TSPAN18: variants seen among roughly 807,000 people sequenced by gnomAD.
TSPAN18 encodes the protein tetraspanin 18.
In TSPAN18, 14 loss-of-function variants were observed where a neutral mutation model predicts 27.3. The observed-to-expected ratio is 0.51, with a 90% CI of 0.34 to 0.80. The LOEUF (loss-of-function observed/expected upper bound fraction) is 0.80, where lower values mean the gene tolerates loss of function less well. Among genes scored for constraint, TSPAN18 ranks in the 30% least tolerant of loss-of-function variants. The pLI, the probability that TSPAN18 is intolerant of heterozygous loss-of-function variation, is 0.01. For synonymous variants in TSPAN18, 143 were observed against 136.5 expected, an observed-to-expected ratio of 1.05 and a Z score of -0.33; for missense variants, 268 against 323.9, an observed-to-expected ratio of 0.83 and a Z score of 1.32.
chr11:44,868,403 C>G (rs1023404653), intron 3 of TSPAN18, among the ~76,000 whole-genome samples: 1 of 152,130 alleles, frequency 6.6e-6, no homozygotes, highest in Non-Finnish European at 1.5e-5. Flanking sequence ...GGGAGGAGAC[C>G]AGGAGAGGAT....
intron 2 of TSPAN18, among the ~76,000 whole-genome samples, chr11:44,842,848 T>C (rs1857400009): frequency 6.6e-6 from 1 of 152,162 alleles, no homozygotes. Flanking sequence ...GATTAAAGTA[T>C]AGAATGTTCC....
intron 2 of TSPAN18, among the ~76,000 whole-genome samples, chr11:44,856,418 G>C (rs549180976): frequency 3.4e-4 from 51 of 152,194 alleles, no homozygotes; most frequent in African/African-American, 1.1e-3. Flanking sequence ...CTGTGCCTTT[G>C]TTTGCCCTGG....
At chr11:44,902,332 G>T (rs565019632) in intron 3 of TSPAN18, among the ~76,000 whole-genome samples, 1 of 152,368 alleles carries the variant, frequency 6.6e-6, no homozygotes, top group South Asian at 2.1e-4. Flanking sequence ...GAACCCAGTT[G>T]TGTCTGACTT....
At chr11:44,880,384 C>T (rs370859951) in intron 3 of TSPAN18, among the ~76,000 whole-genome samples, 97 of 145,658 alleles carry the variant, frequency 6.7e-4, no homozygotes, top group African/African-American at 2.2e-3. Context: ...AGCTGCATAA[C>T]CCTGGTGAAG....
At chr11:44,863,339 C>T (rs555613196) in intron 3 of TSPAN18, among the ~76,000 whole-genome samples, 4 of 152,324 alleles carry the variant, frequency 2.6e-5, no homozygotes, top group East Asian at 1.9e-4. Context: ...CCTTCTTTCC[C>T]GCAGGCCTCC....
At chr11:44,836,206 G>A (rs889578277) in intron 2 of TSPAN18, among the ~76,000 whole-genome samples, 5 of 152,220 alleles carry the variant, frequency 3.3e-5, no homozygotes, top group Non-Finnish European at 7.3e-5. Flanking sequence ...TCTTGCACTA[G>A]TTAACTAAGT....
At position 44,823,326 on chromosome 11, in the gene TSPAN18, G is replaced by A. The variant is rs79045615; in HGVS notation, c.-152-37002G>A. Among the ~76,000 whole-genome samples the A allele has an allele frequency of 2.2e-3, 329 of 152,306 alleles. 8 individuals carry two copies. In the East Asian group the frequency reaches 0.036, roughly 16 times the overall value. On this transcript the variant is annotated intron_variant, in intron 2 of 9. Transcript: ENST00000520358. ...GACAATTCAAAGGGTGAGGATGGGTGGAGAAGAATTTTATTGAACAATGGA... is the reference window on the plus strand; with the variant it reads ...GACAATTCAAAGGGTGAGGATGGGTAGAGAAGAATTTTATTGAACAATGGA...
At chr11:44,898,081 C>T (rs905985071) in intron 3 of TSPAN18, among the ~76,000 whole-genome samples, 5 of 152,214 alleles carry the variant, frequency 3.3e-5, no homozygotes, top group African/African-American at 1.2e-4. Context: ...CACTATGTGC[C>T]AGGCACTGCT....
In TSPAN18 at chr11:44,929,328, TA is replaced by T; in HGVS notation, c.*151del. 8 of 918,858 alleles carry T rather than the reference TA, an allele frequency of 8.7e-6. 1 individual carries two copies. In the South Asian group the frequency reaches 1.2e-4, roughly 14 times the overall value. 56.9% of individuals were successfully genotyped at this position (918,858 alleles called of 1,614,324 possible). On this transcript the variant is annotated 3_prime_UTR_variant, in exon 10 of 10. Coordinates refer to ENST00000520358, the MANE Select transcript of TSPAN18 (RefSeq NM_130783.5). ...AGGAGAAGGGCCAGGGGAATAGAGC[TA>T]TTTTTTTAACAAAACAAAATGAAGA...
intron 3 of TSPAN18, among the ~76,000 whole-genome samples, chr11:44,863,495 G>C (rs952735814): frequency 2.6e-5 from 4 of 152,224 alleles, no homozygotes; most frequent in African/African-American, 9.6e-5. Context: ...CTTTCAAAGA[G>C]ATGGTGCTGC....
At chr11:44,821,430 GAAGAA>G (rs1856926308) in intron 2 of TSPAN18, among the ~76,000 whole-genome samples, 1 of 152,206 alleles carries the variant, frequency 6.6e-6, no homozygotes. Flanking sequence ...GAATCAGGAA[GAAGAA>G]AAGATGAACC....
chr11:44,835,730 A>C lies in TSPAN18; in HGVS notation c.-152-24598A>C, dbSNP rs188036314. Among the ~76,000 whole-genome samples, 566 of 152,280 alleles carry C rather than the reference A, an allele frequency of 3.7e-3. 10 individuals are homozygous for C. The highest frequency in any genetic ancestry group is 5.4e-4 in the Non-Finnish European group (37 of 68,030). ...GTTTTTGTTTATTTTTGCAAATGGA[A>C]GCTTTGTGGCAACTGTGCATAGAGC... On this transcript the variant is annotated intron_variant, in intron 2 of 9. Coordinates refer to ENST00000520358, the MANE Select transcript of TSPAN18 (RefSeq NM_130783.5).
chr11:44,728,515 T>C (rs1431923710), intron 1 of TSPAN18, among the ~76,000 whole-genome samples: 1 of 151,876 alleles, frequency 6.6e-6, no homozygotes, highest in Non-Finnish European at 1.5e-5. Context: ...ACAAGTAAAC[T>C]GGGAGGCACA....
intron 3 of TSPAN18, among the ~76,000 whole-genome samples, chr11:44,865,125 G>T (rs984648893): frequency 2.0e-5 from 3 of 152,228 alleles, no homozygotes; most frequent in African/African-American, 7.2e-5. Context: ...TAGTGGAATG[G>T]ACTCAAAACA....
intron 3 of TSPAN18, among the ~76,000 whole-genome samples, chr11:44,896,802 T>C (rs948641383): frequency 5.9e-5 from 9 of 151,900 alleles, no homozygotes; most frequent in East Asian, 1.9e-4. Context: ...CCACCACCAC[T>C]ACCACCACTC....
At chr11:44,924,236 A>C (rs1398100204) in intron 8 of TSPAN18, among the ~76,000 whole-genome samples, 3 of 151,210 alleles carry the variant, frequency 2.0e-5, no homozygotes, top group African/African-American at 7.4e-5. Flanking sequence ...TGGTAATCCT[A>C]ACAGGCATTG....
At chr11:44,843,602 A>G (rs947224477) in intron 2 of TSPAN18, among the ~76,000 whole-genome samples, 3 of 152,162 alleles carry the variant, frequency 2.0e-5, no homozygotes, top group Non-Finnish European at 4.4e-5. Flanking sequence ...TAAGCCTGGG[A>G]GCTCTATGGG....
rs543843613 is a variant in TSPAN18, at chr11:44,830,514, AGCATTGGTTAG to A, written c.-152-29810_-152-29800del. ...ACAAGGGAAGGGGAAATATTTATTG[AGCATTGGTTAG>A]GCACCAGCCACAGTCTGGCCACATT... On this transcript the variant is annotated intron_variant, in intron 2 of 9. Transcript: ENST00000520358. Among the ~76,000 whole-genome samples the A allele has an allele frequency of 8.5e-4, 130 of 152,256 alleles. 2 individuals carry two copies. The highest frequency in any genetic ancestry group is 8.1e-3 in the Admixed American group (124 of 15,296).
At chr11:44,732,473 T>C (rs1349040172) in intron 1 of TSPAN18, among the ~76,000 whole-genome samples, 2 of 152,212 alleles carry the variant, frequency 1.3e-5, no homozygotes, top group African/African-American at 4.8e-5. Context: ...TGTGTTATAT[T>C]TCCTCATGTA....
Sources: allele counts gnomAD v4.1 joint callset (sites outside exome capture counted in the v4.1 genomes callset), GRCh38; gene constraint gnomAD v4.1.1; transcripts MANE v1.5; gene names NCBI Gene and HGNC (gene_info 2026-07-23, HGNC 2026-07-21).